Variants in GTF2H5 observed in about 807,000 individuals in gnomAD.
GTF2H5 encodes the protein TFB5 ortholog.
Under a neutral mutation model 7.1 loss-of-function variants are expected in GTF2H5, and 5 were observed. The ratio of observed to expected loss-of-function variants is 0.71; its 90% CI spans 0.37 to 1.49. The LOEUF (loss-of-function observed/expected upper bound fraction) is 1.49. Among genes scored for constraint, GTF2H5 ranks in the 40% most tolerant of loss-of-function variants. The pLI is 0.03. For missense variants in GTF2H5, 80 were observed against 83.0 expected (o/e 0.96, Z 0.14); for synonymous variants, 30 against 31.7 (o/e 0.95, Z 0.18).
rs1174337591 is a variant in GTF2H5 at position 158,192,304 on chromosome 6, A to G, written c.*147A>G. 9 of 653,284 alleles carry G rather than the reference A, an allele frequency of 1.4e-5. No homozygotes were observed. Among genetic ancestry groups the G allele is most frequent in the South Asian group, 5.2e-5 (3 of 57,342 alleles). The allele number at this position is 653,284 out of a possible 1,614,324, so 40.5% of individuals were successfully genotyped here. ...TGAGGGATCATGATCATTTGTTCAG[A>G]AAAAAAGCCCCTGAACTGATTTTGT... On this transcript the variant is annotated 3_prime_UTR_variant, in exon 3 of 3. Coordinates refer to ENST00000607778, the MANE Select transcript of GTF2H5 (RefSeq NM_207118.3).
At chr6:158,176,089 G>A (rs1216156187) in intron 2 of GTF2H5, among the ~76,000 whole-genome samples, 2 of 152,180 alleles carry the variant, frequency 1.3e-5, no homozygotes, top group East Asian at 1.9e-4. Context: ...GAGATACTTT[G>A]TATCAATTAA....
intron 2 of GTF2H5, among the ~76,000 whole-genome samples, chr6:158,188,009 G>T (rs1776958790): frequency 6.6e-6 from 1 of 152,148 alleles, no homozygotes. Flanking sequence ...CCAAGGGGAG[G>T]GTCCATCAGT....
chr6:158,169,514 T>G (rs371086362), intron 1 of GTF2H5, among the ~76,000 whole-genome samples: 1 of 74,074 alleles, frequency 1.3e-5, no homozygotes, highest in Non-Finnish European at 2.2e-5. Context: ...ATATTGTATA[T>G]TATATATAAT....
At position 158,193,347 on chromosome 6, in the gene GTF2H5, G is replaced by A. The variant is rs1777058497; in HGVS notation, c.*1190G>A. ...GAGAGAGTTCTGTGATCAATTGAAG[G>A]CAAAAACAGTAACACTGAGAGGGGC... On this transcript the variant is annotated 3_prime_UTR_variant, in exon 3 of 3. Transcript: ENST00000607778. 2.0e-5 allele frequency: 3 copies of A among 152,082 alleles called. 1 individual carries two copies. Among genetic ancestry groups the A allele is most frequent in the South Asian group, 4.1e-4 (2 of 4,824 alleles). 9.4% of individuals were successfully genotyped at this position (152,082 alleles called of 1,614,324 possible).
At chr6:158,183,035 T>C (rs1284757528) in intron 2 of GTF2H5, among the ~76,000 whole-genome samples, 1 of 152,200 alleles carries the variant, frequency 6.6e-6, no homozygotes, top group African/African-American at 2.4e-5. Context: ...TGGTCTTTGA[T>C]GTTGGTGACC....
chr6:158,172,566 G>A (rs1486278198), intron 2 of GTF2H5, among the ~76,000 whole-genome samples: 1 of 152,034 alleles, frequency 6.6e-6, no homozygotes, highest in African/African-American at 2.4e-5. Context: ...CCAAAGTGCT[G>A]GGATTACAGG....
At chr6:158,169,538 T>C (rs190337326) in intron 1 of GTF2H5, among the ~76,000 whole-genome samples, 2,595 of 62,888 alleles carry the variant, frequency 0.041, 488 homozygotes, top group African/African-American at 0.17. Flanking sequence ...CAGTATATTA[T>C]ATATAATATA....
intron 2 of GTF2H5, among the ~76,000 whole-genome samples, chr6:158,183,070 G>A (rs1297673198): frequency 6.6e-6 from 1 of 152,132 alleles, no homozygotes; most frequent in Non-Finnish European, 1.5e-5. Flanking sequence ...TGGTGTGGAT[G>A]TCCTTTTTGG....
In GTF2H5 at chr6:158,195,989, A is replaced by T. The variant is rs1777100397; in HGVS notation, c.*3832A>T. On this transcript the variant is annotated 3_prime_UTR_variant, in exon 3 of 3. Transcript: ENST00000607778. ...TTCTCAAGATAGGCAAGTGATTAAG[A>T]GCACTGACTGGGCCGGGCGCGGTGG... The T allele has an allele frequency of 6.6e-6, 1 of 152,208 alleles. No individual in the cohort carries two copies. The highest frequency in any genetic ancestry group is 2.1e-4 in the South Asian group (1 of 4,834). 9.4% of individuals were successfully genotyped at this position (152,208 alleles called of 1,614,324 possible).
chr6:158,190,605 G>T (rs1358428826), intron 2 of GTF2H5: 5 of 466,486 alleles, frequency 1.1e-5, no homozygotes, highest in Admixed American at 9.9e-5. Flanking sequence ...CAGTTCTGAG[G>T]CTCATACTCA....
Position 158,195,129 on chromosome 6 carries a change from A to C in GTF2H5, c.*2972A>C, listed in dbSNP as rs528071991. On this transcript the variant is annotated 3_prime_UTR_variant, in exon 3 of 3. Transcript: ENST00000607778. ...ACAAGGCTGTTGGTGCTTGGCACCA[A>C]GAAATTTATGACTTTTTTTTTTTTT... is the stretch of plus-strand genomic sequence containing the variant. The C allele has an allele frequency of 1.3e-5, 2 of 151,680 alleles. No homozygotes were observed. The highest frequency in any genetic ancestry group is 4.2e-4 in the South Asian group (2 of 4,818). 9.4% of individuals were successfully genotyped at this position (151,680 alleles called of 1,614,324 possible). A position where few individuals can be genotyped will look rare whatever the true frequency, so the allele number is the denominator to read the frequency against.
intron 2 of GTF2H5, among the ~76,000 whole-genome samples, chr6:158,176,792 A>G (rs1785940748): frequency 6.6e-6 from 1 of 151,924 alleles, no homozygotes; most frequent in Admixed American, 6.6e-5. Context: ...AGGGATGAGC[A>G]TTGTTTCTAT....
intron 2 of GTF2H5, among the ~76,000 whole-genome samples, chr6:158,190,226 C>A (rs9365994): frequency 0.15 from 23,307 of 152,058 alleles, 2,609 homozygotes; most frequent in East Asian, 0.42. Context: ...ATCTTACCTG[C>A]AGATCTTACA....
chr6:158,184,536 C>T (rs925644966), intron 2 of GTF2H5, among the ~76,000 whole-genome samples: 3 of 152,212 alleles, frequency 2.0e-5, no homozygotes, highest in African/African-American at 7.2e-5. Context: ...TACTCATGTA[C>T]CAAATTGTTA....
At position 158,197,508 on chromosome 6, in the gene GTF2H5, GC is replaced by G. The variant is rs1435664334; in HGVS notation, c.*5354del. ...CAATGGCTACCAAGAGGTGGAAGTG[GC>G]CCAGTCACAGCAAGAGCAGATTGAT... On this transcript the variant is annotated 3_prime_UTR_variant, in exon 3 of 3. Coordinates refer to ENST00000607778, the MANE Select transcript of GTF2H5 (RefSeq NM_207118.3). The G allele has an allele frequency of 1.3e-5, 2 of 152,146 alleles. No individual in the cohort carries two copies. Among genetic ancestry groups the G allele is most frequent in the Non-Finnish European group, 2.9e-5 (2 of 68,020 alleles). 9.4% of individuals were successfully genotyped at this position (152,146 alleles called of 1,614,324 possible). A position where few individuals can be genotyped will look rare whatever the true frequency, so the allele number is the denominator to read the frequency against.
Position 158,169,678 on chromosome 6 carries a change from A to ATTGTATATTGTATATT in GTF2H5, c.-34-792_-34-791insTTGTATATTGTATATT, listed in dbSNP as rs1491452253. ...ACATATAATATATTGTATATTATAT[A>ATTGTATATTGTATATT]ATATATAATATATATTATATAATAT... On this transcript the variant is annotated intron_variant, in intron 1 of 2. Transcript: ENST00000607778. Among the ~76,000 whole-genome samples, 5 of 48,886 alleles carry ATTGTATATTGTATATT rather than the reference A, an allele frequency of 1.0e-4. 2 individuals are homozygous for ATTGTATATTGTATATT. Among genetic ancestry groups the ATTGTATATTGTATATT allele is most frequent in the South Asian group, 5.1e-4 (1 of 1,964 alleles). 32.1% of individuals were successfully genotyped at this position (48,886 alleles called of 152,430 possible). A position where few individuals can be genotyped will look rare whatever the true frequency, so the allele number is the denominator to read the frequency against.
intron 2 of GTF2H5, among the ~76,000 whole-genome samples, chr6:158,175,047 T>TATATAC (rs1361855333): frequency 2.5e-4 from 37 of 150,480 alleles, no homozygotes; most frequent in South Asian, 4.2e-4. Context: ...TGTGTGTGTA[T>TATATAC]ACACACACAC....
intron 2 of GTF2H5, among the ~76,000 whole-genome samples, chr6:158,183,054 G>C (rs145967338): frequency 2.8e-4 from 42 of 152,112 alleles, no homozygotes; most frequent in Non-Finnish European, 4.6e-4. Flanking sequence ...CCTATGGATG[G>C]GGTTTTGGTG....
chr6:158,169,601 C>T (rs1398362368), intron 1 of GTF2H5, among the ~76,000 whole-genome samples: 18 of 44,542 alleles, frequency 4.0e-4, no homozygotes, highest in Admixed American at 5.6e-4. Context: ...TTGTATATTA[C>T]ATATATTGTA....
Sources: gnomAD v4.1 joint callset for allele counts (sites outside exome capture counted in the v4.1 genomes callset) on GRCh38, gnomAD v4.1.1 for gene constraint, MANE v1.5 for transcripts, NCBI Gene and HGNC (gene_info 2026-07-23, HGNC 2026-07-21) for gene names.